Variants in TRIM2 observed in about 807,000 individuals in gnomAD.
TRIM2 encodes the protein tripartite motif containing 2.
In TRIM2, 20 loss-of-function variants were observed where a neutral mutation model predicts 75.2. That is an observed-to-expected ratio of 0.27 (90% confidence interval 0.19 to 0.39). The LOEUF (loss-of-function observed/expected upper bound fraction) is 0.39. TRIM2 is among the 10% of genes least tolerant of loss of function. The probability of loss-of-function intolerance (pLI) is 1.00; values close to 1 mark genes in which losing one functional copy is unlikely to be tolerated. For missense variants in TRIM2, 660 were observed against 990.8 expected (o/e 0.67, Z 4.48); for synonymous variants, 373 against 388.3 (o/e 0.96, Z 0.46).
At chr4:153,282,040 T>C (rs915838403) in intron 3 of TRIM2, among the ~76,000 whole-genome samples, 1 of 152,194 alleles carries the variant, frequency 6.6e-6, no homozygotes, top group African/African-American at 2.4e-5. Flanking sequence ...GACCATCTTT[T>C]TTGCATGTTA....
chr4:153,280,384 C>CTTTT (rs3048122), intron 3 of TRIM2, among the ~76,000 whole-genome samples: 37,411 of 115,740 alleles, frequency 0.32, 7,486 homozygotes, highest in African/African-American at 0.47. Context: ...CAGCAAATTC[C>CTTTT]TTTTTTTTTT....
Position 153,295,816 on chromosome 4 carries a change from G to A in TRIM2, c.1290G>A (p.Leu430=), listed in dbSNP as rs754318366. The part of the protein sequence containing the change: ...YTVQKEGDFT[L]SLRLYDQHIR... ...TCCAGAAGGAAGGGGACTTTACCCT[G>A]TCTCTGAGACTCTATGACCAGCACA... The change falls in exon 6 of 12, where the codon CTG becomes CTA. Residue 430 remains leucine (L), a synonymous_variant. Coordinates refer to ENST00000338700, the MANE Select transcript of TRIM2 (RefSeq NM_015271.5). This position sits in a 1 kb window ranked among gnomAD's most constrained non-coding sequence, Gnocchi z 7.2. The A allele has an allele frequency of 6.2e-7, 1 of 1,614,120 alleles. No individual in the cohort carries two copies. The highest frequency in any genetic ancestry group is 8.5e-7 in the Non-Finnish European group (1 of 1,180,012).
intron 1 of TRIM2, among the ~76,000 whole-genome samples, chr4:153,183,833 G>A (rs1732319456): frequency 6.6e-6 from 1 of 152,184 alleles, no homozygotes; most frequent in Non-Finnish European, 1.5e-5. Context: ...CCTTGTAGGT[G>A]TAAGGGAGAC....
At chr4:153,165,515 T>C (rs1730209520) in intron 1 of TRIM2, among the ~76,000 whole-genome samples, 1 of 152,122 alleles carries the variant, frequency 6.6e-6, no homozygotes, top group African/African-American at 2.4e-5. Flanking sequence ...TGTTTGTTTA[T>C]AGATATGGAG....
At chr4:153,282,128 T>A (rs2150087523) in intron 3 of TRIM2, among the ~76,000 whole-genome samples, 1 of 152,324 alleles carries the variant, frequency 6.6e-6, no homozygotes, top group East Asian at 1.9e-4. Flanking sequence ...TCATCCTAGC[T>A]TTTGGCCTGC....
intron 6 of TRIM2, among the ~76,000 whole-genome samples, chr4:153,306,434 T>A (rs1368690484): frequency 1.3e-5 from 2 of 152,156 alleles, no homozygotes; most frequent in African/African-American, 4.8e-5. Flanking sequence ...CAGGTTGAAG[T>A]GTATAGTAGG....
At chr4:153,257,716 G>C in intron 1 of TRIM2, 1 of 746,132 alleles carries the variant, frequency 1.3e-6, no homozygotes, top group South Asian at 1.4e-5. Flanking sequence ...ACAGACTTGG[G>C]AGGATTTAAT....
intron 2 of TRIM2, among the ~76,000 whole-genome samples, chr4:153,273,047 C>G (rs1757106889): frequency 6.6e-6 from 1 of 151,818 alleles, no homozygotes. Flanking sequence ...CCATGTTGGC[C>G]AGGATGGTCT....
rs552388329 is a variant in TRIM2, at chr4:153,292,639, C to T, written c.454-343C>T. ...AATATCTATAAATATAACCCACATACACGAAAGCTCTTTTGGAGTCCTCAA... is the reference window on the plus strand; with the variant it reads ...AATATCTATAAATATAACCCACATATACGAAAGCTCTTTTGGAGTCCTCAA... On this transcript the variant is annotated intron_variant, in intron 3 of 11. Transcript: ENST00000338700. 4.2e-4 allele frequency among the ~76,000 whole-genome samples: 64 copies of T among 152,300 alleles called. 1 individual carries two copies. In the South Asian group the frequency reaches 0.013, roughly 31 times the overall value.
At chr4:153,239,171 C>T (rs1745812256) in intron 1 of TRIM2, among the ~76,000 whole-genome samples, 1 of 151,988 alleles carries the variant, frequency 6.6e-6, no homozygotes, top group Non-Finnish European at 1.5e-5. Flanking sequence ...GCTAACACAG[C>T]GAAACCCCAT....
At chr4:153,308,788 A>G in intron 6 of TRIM2, 2 of 492,528 alleles carry the variant, frequency 4.1e-6, no homozygotes, top group Admixed American at 2.3e-5. Flanking sequence ...GCTGGGCACC[A>G]AGACCTGAGA....
intron 1 of TRIM2, among the ~76,000 whole-genome samples, chr4:153,253,988 C>G (rs1278705414): frequency 1.3e-5 from 2 of 152,138 alleles, no homozygotes; most frequent in East Asian, 3.9e-4. Flanking sequence ...TGGACTCGCC[C>G]TGAATTCCTT....
At chr4:153,192,868 G>A (rs749590756) in intron 1 of TRIM2, among the ~76,000 whole-genome samples, 48 of 152,036 alleles carry the variant, frequency 3.2e-4, no homozygotes, top group Non-Finnish European at 5.9e-4. Context: ...GGCTTTCCTT[G>A]ACCATCCTAT....
chr4:153,320,757 T>C (rs1768762784), intron 8 of TRIM2, among the ~76,000 whole-genome samples: 1 of 152,046 alleles, frequency 6.6e-6, no homozygotes, highest in Non-Finnish European at 1.5e-5. Flanking sequence ...CTCAGCCTCC[T>C]GAGTAGCTGG....
intron 6 of TRIM2, 146 bp from the exon 7 acceptor site, chr4:153,315,339 T>TGGGG: frequency 1.7e-6 from 1 of 584,364 alleles, no homozygotes; most frequent in Admixed American, 3.5e-5. Context: ...ATTAGGTTAT[T>TGGGG]GGGGAGGGAG....
At chr4:153,269,952 G>A (rs1177151172) in intron 1 of TRIM2, among the ~76,000 whole-genome samples, 1 of 151,408 alleles carries the variant, frequency 6.6e-6, no homozygotes, top group East Asian at 1.9e-4. Flanking sequence ...TTTTGAGATG[G>A]AGTCTCACTG....
At chr4:153,207,921 C>T (rs1009475550) in intron 1 of TRIM2, among the ~76,000 whole-genome samples, 4 of 152,202 alleles carry the variant, frequency 2.6e-5, no homozygotes, top group Non-Finnish European at 4.4e-5. Flanking sequence ...TTTGAAATCA[C>T]CCTTGAGCTC....
intron 6 of TRIM2, among the ~76,000 whole-genome samples, chr4:153,311,347 GTTTTTTTTTCTTTT>G (rs1766255478): frequency 6.7e-6 from 1 of 150,026 alleles, no homozygotes; most frequent in African/African-American, 2.5e-5. Context: ...TATTTTCTCT[GTTTTTTTTTCTTTT>G]CCTTTTATAA....
chr4:153,185,630 A>G (rs1245080520), intron 1 of TRIM2, among the ~76,000 whole-genome samples: 1 of 152,186 alleles, frequency 6.6e-6, no homozygotes, highest in Non-Finnish European at 1.5e-5. Flanking sequence ...CTGTGTAGCC[A>G]GTAGCATTTA....
Sources: gnomAD v4.1 joint callset for allele counts (sites outside exome capture counted in the v4.1 genomes callset) on GRCh38, gnomAD v4.1.1 for gene constraint, Gnocchi (gnomAD v3.1) non-coding constraint, MANE v1.5 for transcripts, NCBI Gene and HGNC (gene_info 2026-07-23, HGNC 2026-07-21) for gene names.